IL13RA2: variants seen among roughly 807,000 people sequenced by gnomAD.
The protein encoded by IL13RA2 is interleukin-13 receptor subunit alpha-2.
Under a neutral mutation model 34.1 loss-of-function variants are expected in IL13RA2, and 25 were observed. The ratio of observed to expected loss-of-function variants is 0.73; its 90% CI spans 0.53 to 1.03. IL13RA2 has a LOEUF of 1.03. Ranked by LOEUF, IL13RA2 falls within the 50% of genes least tolerant of loss-of-function variation. IL13RA2 has a pLI of 0.00. For missense variants in IL13RA2, 297 were observed against 280.9 expected (o/e 1.06, Z -0.41); for synonymous variants, 106 against 100.4 (o/e 1.06, Z -0.33).
chrX:115,016,260 A>G (rs1467262516), intron 2 of IL13RA2, among the ~76,000 whole-genome samples: 1 of 111,347 alleles, frequency 9.0e-6, no homozygotes, highest in Non-Finnish European at 1.9e-5. Context: ...TATACTAAAA[A>G]CCAACGTATA....
At position 115,005,214 on chromosome X, in the gene IL13RA2, T is replaced by C. The variant is rs2071680389; in HGVS notation, c.1099A>G (p.Asn367Asp). ...CATCTTACCATTTTTGGGTAGGTGT[T>C]TGGCTTACGCAAAAGCAGACCGGTT... is the stretch of plus-strand genomic sequence containing the variant. ...FVTGLLLRKP[N>D]TYPKMIPEFF... The change falls in exon 9 of 10, where the codon AAC (asparagine) becomes GAC (aspartate). Residue 367 changes from asparagine (N) to aspartate (D), a missense_variant. Asn to Asp is a conservative substitution (Grantham distance 23). Transcript: ENST00000243213. The C allele has an allele frequency of 3.0e-6, 3 of 1,006,458 alleles. No homozygotes were observed. Among genetic ancestry groups the C allele is most frequent in the South Asian group, 1.9e-5 (1 of 52,711 alleles). 82.9% of individuals were successfully genotyped at this position (1,006,458 alleles called of 1,213,427 possible). A position where few individuals can be genotyped will look rare whatever the true frequency, so the allele number is the denominator to read the frequency against.
intron 4 of IL13RA2, 25 bp downstream of exon 4, chrX:115,014,396 T>C: frequency 8.9e-7 from 1 of 1,118,254 alleles, no homozygotes; most frequent in Non-Finnish European, 1.2e-6. Flanking sequence ...TAGTATTAAA[T>C]ATGAAAAGAG....
intron 5 of IL13RA2, among the ~76,000 whole-genome samples, 179 bp from the exon 6 acceptor site, chrX:115,011,007 T>A (rs2071704112): frequency 9.0e-6 from 1 of 111,402 alleles, no homozygotes. Flanking sequence ...GAAAAAACAG[T>A]AGGGAAAGCA....
chrX:115,003,985 G>A lies in IL13RA2; in HGVS notation c.*95C>T, dbSNP rs1396162988. The A allele has an allele frequency of 1.9e-5, 10 of 522,715 alleles. No homozygotes were observed. The highest frequency in any genetic ancestry group is 1.0e-4 in the Admixed American group (3 of 29,655). 43.1% of individuals were successfully genotyped at this position (522,715 alleles called of 1,213,427 possible). On this transcript the variant is annotated 3_prime_UTR_variant, in exon 10 of 10. Transcript: ENST00000243213. ...TAAAAATAAGACGTATTCAACATTCGCAAGAAAAATTCAGTTTATTGAGAC... is the reference window on the plus strand; with the variant it reads ...TAAAAATAAGACGTATTCAACATTCACAAGAAAAATTCAGTTTATTGAGAC...
At position 115,017,587 on chromosome X, in the gene IL13RA2, T is replaced by C; in HGVS notation, c.-68A>G. On this transcript the variant is annotated 5_prime_UTR_variant, in exon 1 of 10. Transcript: ENST00000243213. ...GACAGGCACACTTCTGACCAGGTTA[T>C]GGCGACTTCAAATAGCCTTCATCCG... 2 of 200,997 alleles carry C rather than the reference T, an allele frequency of 1.0e-5. No homozygotes were observed. Among genetic ancestry groups the C allele is most frequent in the South Asian group, 1.7e-4 (2 of 11,991 alleles). 16.6% of individuals were successfully genotyped at this position (200,997 alleles called of 1,213,427 possible). A position where few individuals can be genotyped will look rare whatever the true frequency, so the allele number is the denominator to read the frequency against.
At chrX:115,007,039 T>C (rs1265945631) in intron 8 of IL13RA2, among the ~76,000 whole-genome samples, 1 of 112,020 alleles carries the variant, frequency 8.9e-6, no homozygotes, top group East Asian at 2.8e-4. Flanking sequence ...CTCTACCCAA[T>C]TGGAAATAAA....
intron 3 of IL13RA2, among the ~76,000 whole-genome samples, chrX:115,015,442 TTTG>T (rs368955485): frequency 3.1e-4 from 35 of 111,479 alleles, no homozygotes; most frequent in African/African-American, 1.1e-3. Flanking sequence ...GACCGAGTTT[TTTG>T]TTTTTGTTTT....
intron 3 of IL13RA2, 111 bp downstream of exon 3, chrX:115,015,559 T>C: frequency 1.5e-6 from 1 of 675,226 alleles, no homozygotes; most frequent in Non-Finnish European, 2.4e-6. Flanking sequence ...AAGCTTTTTA[T>C]ATCCTAATTA....
In IL13RA2 at chrX:115,009,412, T is replaced by C. The variant is rs782612919; in HGVS notation, c.852+109A>G. ...TTTCTGGAAATTGAACTAAGATATATGTCATGTTCTGTCCCTCACGTGGAT... is the reference window on the plus strand; with the variant it reads ...TTTCTGGAAATTGAACTAAGATATACGTCATGTTCTGTCCCTCACGTGGAT... On this transcript the variant is annotated intron_variant, in intron 7 of 9. Transcript: ENST00000243213. The C allele has an allele frequency of 6.7e-5, 36 of 538,264 alleles. No homozygotes were observed. In the South Asian group the frequency reaches 1.1e-3, roughly 16 times the overall value. The allele number at this position is 538,264 out of a possible 1,213,427, so 44.4% of individuals were successfully genotyped here.
intron 7 of IL13RA2, among the ~76,000 whole-genome samples, chrX:115,008,832 G>T (rs782655071): frequency 3.6e-5 from 4 of 111,708 alleles, no homozygotes; most frequent in Non-Finnish European, 7.5e-5. Flanking sequence ...AGACTTAAGT[G>T]GACTGGGAAC....
At chrX:115,005,148 T>A (rs781801048) in intron 9 of IL13RA2, 49 bp downstream of exon 9, 15 of 627,794 alleles carry the variant, frequency 2.4e-5, no homozygotes, top group Non-Finnish European at 3.7e-5. Flanking sequence ...CAGAACATTT[T>A]AAAAATCTCC....
intron 2 of IL13RA2, 149 bp downstream of exon 2, chrX:115,017,027 A>G (rs2071730802): frequency 2.4e-6 from 1 of 422,947 alleles, no homozygotes; most frequent in Non-Finnish European, 4.1e-6. Context: ...TTTTTTCATG[A>G]ACTTCCTGAA....
intron 6 of IL13RA2, among the ~76,000 whole-genome samples, chrX:115,010,167 A>T (rs1175366870): frequency 2.7e-5 from 3 of 111,472 alleles, no homozygotes; most frequent in Non-Finnish European, 5.7e-5. Context: ...GCCCAAAGTC[A>T]CACGACTAGA....
chrX:115,005,459 G>GTT, intron 8 of IL13RA2, 144 bp from the exon 9 acceptor site: 1 of 473,240 alleles, frequency 2.1e-6, no homozygotes, highest in Non-Finnish European at 3.7e-6. Flanking sequence ...CCACAATTGT[G>GTT]TTTGAGTATA....
rs781886393 is a variant in IL13RA2 at position 115,010,928 on chromosome X, A to G, written c.522-100T>C. 5 of 393,480 alleles carry G rather than the reference A, an allele frequency of 1.3e-5. No individual in the cohort carries two copies. The South Asian group carries it at 4.3e-4, about 34-fold the overall frequency. The allele number at this position is 393,480 out of a possible 1,213,427, so 32.4% of individuals were successfully genotyped here. On this transcript the variant is annotated intron_variant, in intron 5 of 9. Coordinates refer to ENST00000243213, the MANE Select transcript of IL13RA2 (RefSeq NM_000640.3). The stretch of plus-strand genomic sequence containing the variant: ...ATATTAGGATACCATGTCAGTTTAA[A>G]AATCATTTAATAATGTACAATATTT...
chrX:115,013,976 T>G, intron 4 of IL13RA2, 87 bp from the exon 5 acceptor site: 1 of 622,843 alleles, frequency 1.6e-6, no homozygotes, highest in Non-Finnish European at 2.7e-6. Context: ...TCATTTCCTA[T>G]GACCTCTCCA....
rs2071702528 is a variant in IL13RA2 at position 115,010,649 on chromosome X, T to C, written c.701A>G (p.Asn234Ser). 2 of 898,519 alleles carry C rather than the reference T, an allele frequency of 2.2e-6. No individual in the cohort carries two copies. Among genetic ancestry groups the C allele is most frequent in the Non-Finnish European group, 3.1e-6 (2 of 638,236 alleles). 74.0% of individuals were successfully genotyped at this position (898,519 alleles called of 1,213,427 possible). Residue 234 changes from asparagine to serine, a missense_variant, in exon 6 of 10, where the codon AAT becomes AGT. Transcript: ENST00000243213. ...RSSYFTFQLQNIVKPLPPVYL... is the reference protein window; with the variant it reads ...RSSYFTFQLQSIVKPLPPVYL... The stretch of plus-strand genomic sequence containing the variant: ...TGTTTGTTGGTTTACATCACCTATA[T>C]TTTGAAGCTGAAAAGTGAAATAACT...
intron 5 of IL13RA2, 95 bp downstream of exon 5, chrX:115,013,674 T>C: frequency 2.0e-6 from 1 of 500,769 alleles, no homozygotes; most frequent in East Asian, 3.7e-5. Flanking sequence ...ACAAGTATAA[T>C]GAATTTAACT....
chrX:115,007,338 A>AT (rs2071689271), intron 8 of IL13RA2, among the ~76,000 whole-genome samples: 1 of 111,941 alleles, frequency 8.9e-6, no homozygotes, highest in African/African-American at 3.2e-5. Flanking sequence ...ATTTCCTTCA[A>AT]TTTTGAACAT....
Sources: allele counts gnomAD v4.1 joint callset (sites outside exome capture counted in the v4.1 genomes callset), GRCh38; gene constraint gnomAD v4.1.1; transcripts MANE v1.5; gene names NCBI Gene and HGNC (gene_info 2026-07-23, HGNC 2026-07-21).